Variants in HYDIN observed in about 807,000 individuals in gnomAD.
HYDIN encodes the protein HYDIN axonemal central pair apparatus protein.
In HYDIN, 132 loss-of-function variants were observed where a neutral mutation model predicts 403.9. The observed-to-expected ratio is 0.33, with a 90% confidence interval of 0.28 to 0.38. The LOEUF is 0.38. Ranked by LOEUF, HYDIN falls within the 10% of genes least tolerant of loss-of-function variation. HYDIN has a pLI of 1.00. For synonymous variants in HYDIN, 1,202 were observed against 1,891.7 expected, an observed-to-expected ratio of 0.64 and a Z score of 9.46; for missense variants, 2,827 against 5,009.5, an observed-to-expected ratio of 0.56 and a Z score of 13.15.
chr16:70,986,583 A>G (rs1299399657), intron 27 of HYDIN, among the ~76,000 whole-genome samples: 2 of 152,252 alleles, frequency 1.3e-5, no homozygotes, highest in Non-Finnish European at 2.9e-5. Context: ...TGGAGATTCA[A>G]TCCTCATGGA....
Position 70,978,952 on chromosome 16 carries a change from T to G in HYDIN, c.4600A>C (p.Ile1534Leu). Reference protein sequence around the residue: ...NKCEMLDHFDIITEEVPEDEP... With the variant: ...NKCEMLDHFDLITEEVPEDEP... ...TCTTCTGGCACTTCCTCAGTTATTA[T>G]GTCAAAGTGATCGAGCATTTCACAT... The change falls in exon 30 of 86, where the codon ATA (isoleucine) becomes CTA (leucine). Residue 1534 changes from isoleucine (I) to leucine (L), a missense_variant. Coordinates refer to ENST00000393567, the MANE Select transcript of HYDIN (RefSeq NM_001270974.2). 6.2e-7 allele frequency: 1 copy of G among 1,614,148 alleles called. No homozygotes were observed. The highest frequency in any genetic ancestry group is 8.5e-7 in the Non-Finnish European group (1 of 1,180,044).
At chr16:70,949,343 G>T (rs1184483617) in intron 41 of HYDIN, among the ~76,000 whole-genome samples, 1 of 150,536 alleles carries the variant, frequency 6.6e-6, no homozygotes, top group African/African-American at 2.4e-5. Context: ...AGCACTGGGA[G>T]ATATACCTAA....
chr16:71,130,557 G>A (rs1290348460), intron 8 of HYDIN, among the ~76,000 whole-genome samples: 1 of 136,526 alleles, frequency 7.3e-6, no homozygotes, highest in South Asian at 2.4e-4. Context: ...GCGCAATCTC[G>A]GCTCACTGCA....
At position 71,178,687 on chromosome 16, in the gene HYDIN, A is replaced by G. The variant is rs540591398; in HGVS notation, c.381+241T>C. Among the ~76,000 whole-genome samples the G allele has an allele frequency of 1.1e-3, 164 of 152,178 alleles. 1 individual carries two copies. In the South Asian group the frequency reaches 0.014, roughly 13 times the overall value. ...CATCTGGTCAATCCTTTAATCAACAAAAGTTAGTGCACACGTTGGGAGTTC... is the reference window on the plus strand; with the variant it reads ...CATCTGGTCAATCCTTTAATCAACAGAAGTTAGTGCACACGTTGGGAGTTC... On this transcript the variant is annotated intron_variant, in intron 4 of 85. Transcript: ENST00000393567.
At position 71,187,938 on chromosome 16, in the gene HYDIN, A is replaced by G. The variant is rs536656049; in HGVS notation, c.-23-1020T>C. 5.9e-5 allele frequency among the ~76,000 whole-genome samples: 9 copies of G among 152,286 alleles called. No individual in the cohort carries two copies. In the South Asian group the frequency reaches 1.9e-3, roughly 32 times the overall value. On this transcript the variant is annotated intron_variant, in intron 1 of 85. Coordinates refer to ENST00000393567, the MANE Select transcript of HYDIN (RefSeq NM_001270974.2). ...GAGCTCCTTAAGAAGAGAATAAAGTAATGGAATGAAACTAATATTGCCCTA... is the reference window on the plus strand; with the variant it reads ...GAGCTCCTTAAGAAGAGAATAAAGTGATGGAATGAAACTAATATTGCCCTA...
chr16:70,983,809 T>C (rs2502657), intron 28 of HYDIN, among the ~76,000 whole-genome samples: 8 of 151,350 alleles, frequency 5.3e-5, no homozygotes, highest in Non-Finnish European at 1.2e-4. Flanking sequence ...AAGAAAAATA[T>C]ATTTTAAATT....
intron 83 of HYDIN, among the ~76,000 whole-genome samples, chr16:70,819,815 CCT>C (rs2036110681): frequency 6.6e-6 from 1 of 151,810 alleles, no homozygotes; most frequent in South Asian, 2.1e-4. Flanking sequence ...TCTAACATTC[CCT>C]TTTTTTTTGA....
At chr16:70,965,335 T>C (rs1205490246) in intron 36 of HYDIN, among the ~76,000 whole-genome samples, 1 of 151,630 alleles carries the variant, frequency 6.6e-6, no homozygotes, top group East Asian at 2.0e-4. Flanking sequence ...AGAGGTAAAA[T>C]AGTATTAAGT....
chr16:71,184,123 C>T (rs1324777506), intron 3 of HYDIN, among the ~76,000 whole-genome samples: 1 of 151,998 alleles, frequency 6.6e-6, no homozygotes, highest in Admixed American at 6.6e-5. Context: ...AATGGTGTAG[C>T]AGTAACAGCA....
intron 4 of HYDIN, 88 bp from the exon 5 acceptor site, chr16:71,175,829 G>A (rs756350370): frequency 9.5e-5 from 128 of 1,344,826 alleles, no homozygotes; most frequent in Middle Eastern, 1.8e-4. Context: ...CTTACTAGAC[G>A]TGTGACCTTG....
intron 81 of HYDIN, 37 bp downstream of exon 81, chr16:70,829,581 C>T (rs1284723568): frequency 1.9e-6 from 3 of 1,557,190 alleles, no homozygotes; most frequent in South Asian, 2.2e-5. Context: ...TTCAACTATG[C>T]CAGGAAACCA....
At chr16:70,875,343 G>A (rs1168959511) in intron 62 of HYDIN, among the ~76,000 whole-genome samples, 7 of 152,082 alleles carry the variant, frequency 4.6e-5, no homozygotes, top group Non-Finnish European at 1.5e-5. Context: ...CTATGCATTA[G>A]TTTAGTTGCC....
At chr16:70,859,782 G>A (rs1597145525) in intron 71 of HYDIN, among the ~76,000 whole-genome samples, 1 of 152,198 alleles carries the variant, frequency 6.6e-6, no homozygotes, top group East Asian at 1.9e-4. Context: ...GGGTCCCCAG[G>A]CATTGGTGTC....
intron 18 of HYDIN, among the ~76,000 whole-genome samples, chr16:71,042,424 A>G (rs984788117): frequency 6.6e-6 from 1 of 151,886 alleles, no homozygotes; most frequent in African/African-American, 2.4e-5. Flanking sequence ...CCCCATGGTA[A>G]ATAATAATAG....
intron 17 of HYDIN, 80 bp downstream of exon 17, chr16:71,062,089 T>C: frequency 8.8e-7 from 1 of 1,141,012 alleles, no homozygotes; most frequent in South Asian, 1.5e-5. Flanking sequence ...GAATATGGTG[T>C]GGGCCTCAAA....
chr16:70,980,647 G>T (rs1280948636), intron 29 of HYDIN, among the ~76,000 whole-genome samples: 2 of 151,786 alleles, frequency 1.3e-5, no homozygotes. Context: ...AGGGAATGGG[G>T]TAACAGGAAA....
At chr16:70,904,925 A>C (rs1012568859) in intron 50 of HYDIN, among the ~76,000 whole-genome samples, 1 of 151,894 alleles carries the variant, frequency 6.6e-6, no homozygotes, top group African/African-American at 2.4e-5. Flanking sequence ...CACTGTTAGG[A>C]GGCAGTTTCT....
At chr16:71,193,176 G>C (rs1032519947) in intron 1 of HYDIN, among the ~76,000 whole-genome samples, 1 of 152,204 alleles carries the variant, frequency 6.6e-6, no homozygotes, top group Non-Finnish European at 1.5e-5. Flanking sequence ...TGTGTAATTG[G>C]CACATACAAG....
rs1318163112 is a variant in HYDIN at position 71,004,836 on chromosome 16, T to C, written c.3645-12626A>G. ...AAATCATTGGATGAACTCTTCTGTA[T>C]CTATCAGGACTTAGCGGGTTCTTAA... On this transcript the variant is annotated intron_variant, in intron 23 of 85. Transcript: ENST00000393567. Among the ~76,000 whole-genome samples the C allele has an allele frequency of 3.9e-5, 6 of 152,054 alleles. No individual in the cohort carries two copies. In the East Asian group the frequency reaches 1.2e-3, roughly 29 times the overall value.
Sources: gnomAD v4.1 joint callset for allele counts (sites outside exome capture counted in the v4.1 genomes callset) on GRCh38, gnomAD v4.1.1 for gene constraint, MANE v1.5 for transcripts, NCBI Gene and HGNC (gene_info 2026-07-23, HGNC 2026-07-21) for gene names.